The following CRYL1 variants were observed in gnomAD, a reference collection of about 807,000 sequenced individuals.
CRYL1 encodes the protein crystallin lambda 1, also known as lambda-crystallin homolog.
In CRYL1, 29 loss-of-function variants were observed where a neutral mutation model predicts 36.6. The observed-to-expected ratio is 0.79, with a 90% CI of 0.59 to 1.08. The LOEUF is 1.08. Ranked by LOEUF, CRYL1 falls within the 50% of genes least tolerant of loss-of-function variation. The pLI is 0.00. For synonymous variants in CRYL1, 152 were observed against 151.5 expected (o/e 1.00, Z -0.02); for missense variants, 411 against 407.9 (o/e 1.01, Z -0.06).
chr13:20,481,866 G>A lies in CRYL1; in HGVS notation c.276+7504C>T, dbSNP rs59380135. Among the ~76,000 whole-genome samples the A allele has an allele frequency of 0.018, 2,730 of 152,110 alleles. 76 individuals carry two copies. Among genetic ancestry groups the A allele is most frequent in the African/African-American group, 0.063 (2,598 of 41,492 alleles). ...GCAGAGGTTGCAGTGAATCAAGATC[G>A]CACCACTGCACTCCAGCCTGGGTGA... On this transcript the variant is annotated intron_variant, in intron 3 of 7. Transcript: ENST00000298248. The surrounding 1 kb of genome is among the most constrained non-coding windows in gnomAD (Gnocchi z 4.1).
At chr13:20,423,957 G>C (rs1351112998) in intron 5 of CRYL1, among the ~76,000 whole-genome samples, 1 of 151,902 alleles carries the variant, frequency 6.6e-6, no homozygotes, top group Non-Finnish European at 1.5e-5. Flanking sequence ...TTTTAATAGA[G>C]ACGGGGTTTC....
chr13:20,507,138 C>A (rs769480527), intron 2 of CRYL1, among the ~76,000 whole-genome samples: 1 of 152,240 alleles, frequency 6.6e-6, no homozygotes, highest in Non-Finnish European at 1.5e-5. Flanking sequence ...CTCCATTAAA[C>A]CTTTTTCTTT....
intron 5 of CRYL1, among the ~76,000 whole-genome samples, chr13:20,426,222 A>G (rs1259460210): frequency 3.3e-5 from 5 of 149,512 alleles, no homozygotes; most frequent in Non-Finnish European, 4.4e-5. Flanking sequence ...GTTACAACCT[A>G]TTGTTCATTC....
intron 3 of CRYL1, among the ~76,000 whole-genome samples, chr13:20,456,194 C>T (rs2032677797): frequency 6.6e-6 from 1 of 152,076 alleles, no homozygotes; most frequent in African/African-American, 2.4e-5. Context: ...AATACAATGA[C>T]CGGATGCAGT....
intron 3 of CRYL1, among the ~76,000 whole-genome samples, chr13:20,457,011 G>A (rs913144560): frequency 1.3e-5 from 2 of 152,164 alleles, no homozygotes; most frequent in Non-Finnish European, 2.9e-5. Context: ...CAGACTGCCA[G>A]CAGGATATGA....
At chr13:20,482,002 T>C (rs2033288877) in intron 3 of CRYL1, among the ~76,000 whole-genome samples, 1 of 152,134 alleles carries the variant, frequency 6.6e-6, no homozygotes, top group Non-Finnish European at 1.5e-5. Flanking sequence ...GGCCATCCCA[T>C]GTGTCCAATG....
chr13:20,493,836 GC>G (rs2033559063), intron 2 of CRYL1, among the ~76,000 whole-genome samples: 1 of 152,162 alleles, frequency 6.6e-6, no homozygotes, highest in African/African-American at 2.4e-5. Flanking sequence ...CCCTATAACT[GC>G]TGTGAGCTGC....
At chr13:20,426,112 A>C (rs1282316064) in intron 5 of CRYL1, among the ~76,000 whole-genome samples, 2 of 152,126 alleles carry the variant, frequency 1.3e-5, no homozygotes, top group Non-Finnish European at 1.5e-5. Flanking sequence ...CAGGATGACA[A>C]GGGAGATCCC....
chr13:20,500,518 T>C (rs2033683800), intron 2 of CRYL1, among the ~76,000 whole-genome samples: 1 of 152,218 alleles, frequency 6.6e-6, no homozygotes, highest in Admixed American at 6.5e-5. Context: ...ACAGTGATTC[T>C]TGTTCCATTT....
At position 20,449,624 on chromosome 13, in the gene CRYL1, A is replaced by C. The variant is rs983498874; in HGVS notation, c.277-9870T>G. Among the ~76,000 whole-genome samples the C allele has an allele frequency of 5.9e-5, 9 of 152,282 alleles. No individual in the cohort carries two copies. The East Asian group carries it at 9.6e-4, about 16-fold the overall frequency. On this transcript the variant is annotated intron_variant, in intron 3 of 7. Coordinates refer to ENST00000298248, the MANE Select transcript of CRYL1 (RefSeq NM_015974.3). ...CAGAGCAATCCAGGAAGAAAAAAAA[A>C]AGGCATCCAAATAGGAAAAGAAGTA...
chr13:20,430,540 C>T, intron 5 of CRYL1: 2 of 985,368 alleles, frequency 2.0e-6, no homozygotes, highest in Non-Finnish European at 2.4e-6. Context: ...CCAGAGCAGC[C>T]CAACTCACCC....
chr13:20,514,736 T>C (rs945803153), intron 1 of CRYL1, among the ~76,000 whole-genome samples: 1 of 152,222 alleles, frequency 6.6e-6, no homozygotes, highest in Non-Finnish European at 1.5e-5. Context: ...TAATGTAAGA[T>C]GTTAATAATA....
At chr13:20,423,546 C>T (rs1445100958) in intron 5 of CRYL1, among the ~76,000 whole-genome samples, 1 of 152,216 alleles carries the variant, frequency 6.6e-6, no homozygotes, top group Non-Finnish European at 1.5e-5. Flanking sequence ...ATTCTGTTAA[C>T]ATGACATATC....
intron 3 of CRYL1, among the ~76,000 whole-genome samples, chr13:20,488,395 C>T (rs550800759): frequency 3.3e-5 from 5 of 152,306 alleles, no homozygotes; most frequent in African/African-American, 1.2e-4. Context: ...AGTTGAAAAA[C>T]AGTCCTCTCC....
intron 6 of CRYL1, among the ~76,000 whole-genome samples, chr13:20,406,447 T>A (rs1334734578): frequency 6.6e-6 from 1 of 152,148 alleles, no homozygotes; most frequent in Non-Finnish European, 1.5e-5. Context: ...TTTCTGACAT[T>A]AGCATCTGAA....
At chr13:20,522,911 CTTTTTTTTT>C (rs386378385) in intron 1 of CRYL1, among the ~76,000 whole-genome samples, 3 of 82,960 alleles carry the variant, frequency 3.6e-5, no homozygotes, top group East Asian at 4.2e-4. Flanking sequence ...CCCATTTCTA[CTTTTTTTTT>C]TTTTTTTTTT....
At position 20,484,088 on chromosome 13, in the gene CRYL1, T is replaced by C. The variant is rs954654704; in HGVS notation, c.276+5282A>G. On this transcript the variant is annotated intron_variant, in intron 3 of 7. Transcript: ENST00000298248. ...GCCTTGGCCTCCCAAAGTGCTGGGA[T>C]TACAGGCGTGAGCCACCGCGCCTGG... is the stretch of plus-strand genomic sequence containing the variant. 2.0e-5 allele frequency among the ~76,000 whole-genome samples: 3 copies of C among 152,212 alleles called. No homozygotes were observed. In the South Asian group the frequency reaches 6.2e-4, roughly 32 times the overall value.
intron 2 of CRYL1, among the ~76,000 whole-genome samples, chr13:20,506,780 C>T (rs868821431): frequency 6.6e-6 from 1 of 152,222 alleles, no homozygotes; most frequent in Non-Finnish European, 1.5e-5. Context: ...TCTATGGTAG[C>T]AGCGAGCAAA....
intron 3 of CRYL1, among the ~76,000 whole-genome samples, chr13:20,450,102 C>T (rs960506111): frequency 3.9e-5 from 6 of 152,122 alleles, no homozygotes; most frequent in South Asian, 2.1e-4. Flanking sequence ...TTCTAAAATT[C>T]ATATGGAACC....
Sources: gnomAD v4.1 joint callset for allele counts (sites outside exome capture counted in the v4.1 genomes callset) on GRCh38, gnomAD v4.1.1 for gene constraint, Gnocchi (gnomAD v3.1) non-coding constraint, MANE v1.5 for transcripts, NCBI Gene and HGNC (gene_info 2026-07-23, HGNC 2026-07-21) for gene names.